UBE2D4: variants seen among roughly 807,000 people sequenced by gnomAD.
UBE2D4 encodes the protein ubiquitin conjugating enzyme E2 D4.
A neutral mutation model predicts 23.0 loss-of-function variants in UBE2D4; 17 were observed. The observed-to-expected ratio is 0.74, with a 90% confidence interval of 0.51 to 1.11. The LOEUF (loss-of-function observed/expected upper bound fraction) is 1.11, where lower values mean the gene tolerates loss of function less well. Ranked by LOEUF, UBE2D4 falls within the 50% of genes least tolerant of loss-of-function variation. UBE2D4 has a pLI of 0.00. For synonymous variants in UBE2D4, 61 were observed against 69.4 expected (o/e 0.88, Z 0.60); for missense variants, 139 against 181.8 (o/e 0.76, Z 1.35).
intron 4 of UBE2D4, 133 bp downstream of exon 4, chr7:43,943,164 TGA>T: frequency 1.2e-6 from 1 of 863,318 alleles, no homozygotes; most frequent in Non-Finnish European, 1.9e-6. Flanking sequence ...CACCCTGTGG[TGA>T]GAGTTTCCCA....
intron 4 of UBE2D4, chr7:43,947,124 C>G (rs1054739990): frequency 2.6e-5 from 4 of 151,720 alleles, no homozygotes; most frequent in African/African-American, 9.7e-5. Flanking sequence ...TGAGAACATG[C>G]AGTGTTTGGT....
intron 5 of UBE2D4, among the ~76,000 whole-genome samples, chr7:43,950,320 G>A (rs2095999136): frequency 6.7e-6 from 1 of 150,186 alleles, no homozygotes; most frequent in Non-Finnish European, 1.5e-5. Context: ...AGGGCAGTTG[G>A]AGACTAAGAT....
intron 1 of UBE2D4, 118 bp from the exon 2 acceptor site, chr7:43,938,313 C>A: frequency 1.1e-6 from 1 of 914,490 alleles, no homozygotes; most frequent in Admixed American, 1.8e-5. Context: ...TCTCTAACCC[C>A]CTCCTGAGGC....
At chr7:43,938,530 T>C (rs781537349) in intron 2 of UBE2D4, 36 bp downstream of exon 2, 1 of 1,606,904 alleles carries the variant, frequency 6.2e-7, no homozygotes, top group South Asian at 1.1e-5. Flanking sequence ...TGTAGGAGCA[T>C]TTTAATTAAG....
Position 43,953,091 on chromosome 7 carries a change from C to A in UBE2D4, c.*396C>A, listed in dbSNP as rs538875380. On this transcript the variant is annotated 3_prime_UTR_variant, in exon 7 of 7. Coordinates refer to ENST00000222402, the MANE Select transcript of UBE2D4 (RefSeq NM_015983.4). ...CTCAGCCTGGCCCCTCACCACATAC[C>A]CTTTGCCTTTTAGAACTCAGTGCCA... 4.4e-6 allele frequency: 2 copies of A among 456,946 alleles called. No homozygotes were observed. Among genetic ancestry groups the A allele is most frequent in the African/African-American group, 4.0e-5 (2 of 50,238 alleles). The allele number at this position is 456,946 out of a possible 1,614,324, so 28.3% of individuals were successfully genotyped here.
At chr7:43,938,672 C>A in intron 2 of UBE2D4, among the ~76,000 whole-genome samples, 178 bp downstream of exon 2, 1 of 152,188 alleles carries the variant, frequency 6.6e-6, no homozygotes, top group South Asian at 2.1e-4. Flanking sequence ...CCCGTCTCTA[C>A]TAAAAGTACA....
intron 1 of UBE2D4, among the ~76,000 whole-genome samples, chr7:43,932,984 G>GTA (rs57093593): frequency 0.081 from 6,957 of 85,676 alleles, 398 homozygotes; most frequent in South Asian, 0.13. Context: ...AAATGTTAAA[G>GTA]TATATATATA....
At position 43,948,700 on chromosome 7, in the gene UBE2D4, G is replaced by A; in HGVS notation, c.267G>A (p.Leu89=). 1 of 1,613,848 alleles carries A rather than the reference G, an allele frequency of 6.2e-7. No homozygotes were observed. ...ATGGCAGCATCTGCCTTGATATCCT[G>A]CGGTCTCAGTGGTCTCCAGCGTTGA... The part of the protein sequence containing the change: ...NSNGSICLDI[L]RSQWSPALTV... Residue 89 remains leucine, a synonymous_variant, in exon 5 of 7, where the codon CTG becomes CTA. Transcript: ENST00000222402.
At chr7:43,948,941 C>G in intron 5 of UBE2D4, 1 of 552,084 alleles carries the variant, frequency 1.8e-6, no homozygotes, top group Non-Finnish European at 3.3e-6. Context: ...CCTGGCGCTT[C>G]TCAGCAGTCA....
At chr7:43,932,768 G>C (rs1207742471) in intron 1 of UBE2D4, among the ~76,000 whole-genome samples, 1 of 151,400 alleles carries the variant, frequency 6.6e-6, no homozygotes, top group Non-Finnish European at 1.5e-5. Context: ...ACTCCAACCT[G>C]GGTGACAGAG....
intron 1 of UBE2D4, among the ~76,000 whole-genome samples, chr7:43,930,794 G>GT (rs879502827): frequency 1.6e-3 from 240 of 151,884 alleles, no homozygotes; most frequent in African/African-American, 4.9e-3. Context: ...TTTTTTAATG[G>GT]TTTTTTTTCT....
intron 1 of UBE2D4, among the ~76,000 whole-genome samples, chr7:43,934,244 C>T (rs184028549): frequency 1.2e-3 from 176 of 151,792 alleles, no homozygotes; most frequent in Middle Eastern, 3.4e-3. Context: ...GATTGTGTAT[C>T]ATGGGCCTTT....
At chr7:43,938,535 A>G (rs1366307359) in intron 2 of UBE2D4, 41 bp downstream of exon 2, 2 of 1,600,448 alleles carry the variant, frequency 1.2e-6, no homozygotes, top group Admixed American at 3.3e-5. Flanking sequence ...GAGCATTTTA[A>G]TTAAGACCCC....
chr7:43,942,959 C>T lies in UBE2D4; in HGVS notation c.126C>T (p.Asp42=). The change falls in exon 4 of 7, where the codon GAC becomes GAT. Residue 42 remains aspartate (D), a synonymous_variant. Coordinates refer to ENST00000222402, the MANE Select transcript of UBE2D4 (RefSeq NM_015983.4). ...TCTGTGTCTCATCCTTCCAGAATGA[C>T]AGTCCTTACCAAGGAGGTGTTTTCT... ...HWQATIMGPN[D]SPYQGGVFFL... 1 of 1,614,174 alleles carries T rather than the reference C, an allele frequency of 6.2e-7. No homozygotes were observed. Among genetic ancestry groups the T allele is most frequent in the Middle Eastern group, 1.6e-4 (1 of 6,062 alleles).
intron 1 of UBE2D4, among the ~76,000 whole-genome samples, chr7:43,927,303 T>C (rs1297593582): frequency 1.3e-5 from 2 of 149,832 alleles, no homozygotes; most frequent in South Asian, 2.1e-4. Flanking sequence ...TTATAACTTT[T>C]TTTTTTTTTT....
In UBE2D4 at chr7:43,953,826, C is replaced by G. The variant is rs1379121599; in HGVS notation, c.*1131C>G. The G allele has an allele frequency of 6.6e-6, 1 of 152,512 alleles. No individual in the cohort carries two copies. The highest frequency in any genetic ancestry group is 1.5e-5 in the Non-Finnish European group (1 of 68,268). The allele number at this position is 152,512 out of a possible 1,614,324, so 9.4% of individuals were successfully genotyped here. On this transcript the variant is annotated 3_prime_UTR_variant, in exon 7 of 7. Coordinates refer to ENST00000222402, the MANE Select transcript of UBE2D4 (RefSeq NM_015983.4). ...AAGAAAATTGAGGAGCTTCAGATCT[C>G]TAAAGCCAAATTCAACCTGATCTTT...
In UBE2D4 at chr7:43,926,473, G is replaced by T; in HGVS notation, c.-60G>T. 1 of 1,414,478 alleles carries T rather than the reference G, an allele frequency of 7.1e-7. No individual in the cohort carries two copies. The allele number at this position is 1,414,478 out of a possible 1,614,324, so 87.6% of individuals were successfully genotyped here. On this transcript the variant is annotated 5_prime_UTR_variant, in exon 1 of 7. Transcript: ENST00000222402. ...GTGCAGCTTGGTGGCGGCTGAGCCG[G>T]CAGCGGGCCGCCTCAGGCAGCCCCG... is the stretch of plus-strand genomic sequence containing the variant.
chr7:43,932,779 C>G (rs1028562623), intron 1 of UBE2D4, among the ~76,000 whole-genome samples: 1 of 150,144 alleles, frequency 6.7e-6, no homozygotes, highest in Non-Finnish European at 1.5e-5. Flanking sequence ...GGTGACAGAG[C>G]GAAATCCTGT....
At chr7:43,935,115 C>A (rs2095955720) in intron 1 of UBE2D4, among the ~76,000 whole-genome samples, 2 of 152,308 alleles carry the variant, frequency 1.3e-5, no homozygotes, top group South Asian at 4.1e-4. Context: ...CTGTATTATA[C>A]ATTTTATATG....
Sources: gnomAD v4.1 joint callset for allele counts (sites outside exome capture counted in the v4.1 genomes callset) on GRCh38, gnomAD v4.1.1 for gene constraint, MANE v1.5 for transcripts, NCBI Gene and HGNC (gene_info 2026-07-23, HGNC 2026-07-21) for gene names.